DIAPH3: variants seen among roughly 807,000 people sequenced by gnomAD.
The protein encoded by DIAPH3 is protein diaphanous homolog 3.
A neutral mutation model predicts 144.3 loss-of-function variants in DIAPH3; 117 were observed. That is an observed-to-expected ratio of 0.81 (90% CI 0.70 to 0.95). DIAPH3 has a LOEUF of 0.95. Among genes scored for constraint, DIAPH3 ranks in the 40% least tolerant of loss-of-function variants. The pLI is 0.00. For missense variants in DIAPH3, 1,421 were observed against 1,412.7 expected, an observed-to-expected ratio of 1.01 and a Z score of -0.09; for synonymous variants, 519 against 488.9, an observed-to-expected ratio of 1.06 and a Z score of -0.81.
intron 27 of DIAPH3, among the ~76,000 whole-genome samples, chr13:59,725,708 G>A (rs544154224): frequency 6.6e-6 from 1 of 152,260 alleles, no homozygotes; most frequent in Non-Finnish European, 1.5e-5. Flanking sequence ...TGCCAATATT[G>A]TAGCTAGGGA....
chr13:59,948,970 T>C (rs1347138341), intron 17 of DIAPH3, among the ~76,000 whole-genome samples: 1 of 152,130 alleles, frequency 6.6e-6, no homozygotes, highest in East Asian at 1.9e-4. Context: ...ATTAATCAGG[T>C]AGCATCTCAT....
intron 2 of DIAPH3, among the ~76,000 whole-genome samples, chr13:60,118,479 T>C (rs2058753353): frequency 1.3e-5 from 2 of 152,196 alleles, no homozygotes; most frequent in South Asian, 4.1e-4. Flanking sequence ...AGGAGAATTA[T>C]TAAGCAAACA....
At chr13:60,028,198 A>C (rs2054522059) in intron 5 of DIAPH3, among the ~76,000 whole-genome samples, 1 of 151,854 alleles carries the variant, frequency 6.6e-6, no homozygotes, top group Non-Finnish European at 1.5e-5. Context: ...GTTAGTTCCC[A>C]TTTCTCTCCT....
At chr13:60,031,732 C>CT (rs1165739891) in intron 5 of DIAPH3, among the ~76,000 whole-genome samples, 12,777 of 64,226 alleles carry the variant, frequency 0.2, 4,189 homozygotes, top group Non-Finnish European at 0.22. Flanking sequence ...GTCATTAAAT[C>CT]TTTTTTTTTT....
chr13:59,774,811 G>C lies in DIAPH3; in HGVS notation c.3176C>G (p.Thr1059Arg). ...CTCCAGCAGATTATCCATCACTCCT[G>C]TCTCATCACCCTCTGTGAAAAGAGA... ...LLEMKTEGDE[T>R]GVMDNLLEAL... is the part of the protein sequence containing the mutation. Residue 1059 changes from threonine (T) to arginine (R), a missense_variant, in exon 26 of 28, where the codon ACA becomes AGA. Physicochemically the swap from Thr to Arg is moderately conservative, Grantham distance 71. Coordinates refer to ENST00000400324, the MANE Select transcript of DIAPH3 (RefSeq NM_001042517.2). 6.2e-7 allele frequency: 1 copy of C among 1,613,924 alleles called. No individual in the cohort carries two copies.
chr13:60,043,335 T>C (rs1172340161), intron 4 of DIAPH3, among the ~76,000 whole-genome samples: 1 of 152,194 alleles, frequency 6.6e-6, no homozygotes, highest in Non-Finnish European at 1.5e-5. Context: ...TACAGTCTAG[T>C]TCCTGTAACA....
intron 17 of DIAPH3, among the ~76,000 whole-genome samples, chr13:59,948,909 C>A (rs2048952159): frequency 6.9e-6 from 1 of 145,246 alleles, no homozygotes; most frequent in African/African-American, 2.5e-5. Context: ...AGGAAGGAAA[C>A]TTCAACAAAT....
At chr13:60,152,487 G>GAGAT (rs374446160) in intron 1 of DIAPH3, among the ~76,000 whole-genome samples, 1 of 139,982 alleles carries the variant, frequency 7.1e-6, no homozygotes, top group African/African-American at 2.6e-5. Context: ...TTTAGGGAAA[G>GAGAT]ATATATATAT....
In DIAPH3 at chr13:60,034,105, T is replaced by C. The variant is rs368497547; in HGVS notation, c.626+8585A>G. ...GAATAAACTATACTGATTCTTTGTATGTAGAGTACTAATAACTAGAGGCTT... is the reference window on the plus strand; with the variant it reads ...GAATAAACTATACTGATTCTTTGTACGTAGAGTACTAATAACTAGAGGCTT... On this transcript the variant is annotated intron_variant, in intron 5 of 27. Transcript: ENST00000400324. 5.9e-5 allele frequency among the ~76,000 whole-genome samples: 9 copies of C among 152,338 alleles called. No homozygotes were observed. In the East Asian group the frequency reaches 1.7e-3, roughly 29 times the overall value.
At chr13:59,698,238 G>GT (rs1157929518) in intron 27 of DIAPH3, among the ~76,000 whole-genome samples, 1 of 152,120 alleles carries the variant, frequency 6.6e-6, no homozygotes, top group East Asian at 1.9e-4. Flanking sequence ...CATTTATGAA[G>GT]TACACCATGA....
At chr13:59,834,683 T>C (rs1479749982) in intron 23 of DIAPH3, among the ~76,000 whole-genome samples, 5 of 151,756 alleles carry the variant, frequency 3.3e-5, no homozygotes, top group Admixed American at 3.3e-4. Context: ...GCAAATGTAG[T>C]TAGCTGTCCT....
chr13:60,093,756 T>G, intron 3 of DIAPH3, 24 bp from the exon 4 acceptor site: 4 of 1,477,272 alleles, frequency 2.7e-6, no homozygotes, highest in Admixed American at 1.7e-5. Flanking sequence ...TTAAAATGCC[T>G]CATTTTAGAA....
chr13:59,959,792 C>T (rs2049636770), intron 17 of DIAPH3, among the ~76,000 whole-genome samples: 1 of 152,144 alleles, frequency 6.6e-6, no homozygotes, highest in African/African-American at 2.4e-5. Flanking sequence ...GATAAATTTG[C>T]ATTTCTAAAG....
intron 1 of DIAPH3, among the ~76,000 whole-genome samples, chr13:60,138,782 G>GGGGA (rs2059356974): frequency 3.6e-5 from 2 of 56,154 alleles, no homozygotes; most frequent in African/African-American, 8.2e-5. Context: ...AGAAGGAGAA[G>GGGGA]AAGGGGAAGA....
intron 3 of DIAPH3, among the ~76,000 whole-genome samples, chr13:60,099,619 C>T (rs2058206420): frequency 6.6e-6 from 1 of 152,078 alleles, no homozygotes; most frequent in South Asian, 2.1e-4. Context: ...ACTGTAAAGT[C>T]GAAAAATCGT....
At chr13:59,752,301 C>G (rs1276412459) in intron 27 of DIAPH3, among the ~76,000 whole-genome samples, 1 of 151,748 alleles carries the variant, frequency 6.6e-6, no homozygotes, top group African/African-American at 2.4e-5. Context: ...AAGTAGACCC[C>G]TATAGGGTTT....
chr13:59,883,234 A>G (rs1466793436), intron 20 of DIAPH3, among the ~76,000 whole-genome samples: 1 of 152,098 alleles, frequency 6.6e-6, no homozygotes, highest in Non-Finnish European at 1.5e-5. Flanking sequence ...GGAAGATGTA[A>G]TCTCTCAAAA....
At position 59,871,197 on chromosome 13, in the gene DIAPH3, G is replaced by T. The variant is rs1186491646; in HGVS notation, c.2607+8032C>A. Among the ~76,000 whole-genome samples the T allele has an allele frequency of 5.6e-3, 137 of 24,562 alleles. 1 individual carries two copies. Among genetic ancestry groups the T allele is most frequent in the Admixed American group, 0.023 (32 of 1,408 alleles). The allele number at this position is 24,562 out of a possible 152,430, so 16.1% of individuals were successfully genotyped here. On this transcript the variant is annotated intron_variant, in intron 21 of 27. Coordinates refer to ENST00000400324, the MANE Select transcript of DIAPH3 (RefSeq NM_001042517.2). Reference sequence around the variant, plus strand: ...GTTTATTTTTTGTCCATTTTTTTTGGGGGGGGGGGTGGCGGGCATTCTACA... The same window carrying T: ...GTTTATTTTTTGTCCATTTTTTTTGTGGGGGGGGGTGGCGGGCATTCTACA...
chr13:60,030,280 A>C (rs2054694158), intron 5 of DIAPH3, among the ~76,000 whole-genome samples: 1 of 152,170 alleles, frequency 6.6e-6, no homozygotes, highest in Non-Finnish European at 1.5e-5. Context: ...AGATTACAAA[A>C]TCCTGTGCTA....
Sources: gnomAD v4.1 joint callset for allele counts (sites outside exome capture counted in the v4.1 genomes callset) on GRCh38, gnomAD v4.1.1 for gene constraint, MANE v1.5 for transcripts, NCBI Gene and HGNC (gene_info 2026-07-23, HGNC 2026-07-21) for gene names.